Variants in TFDP2 observed in about 807,000 individuals in gnomAD.
The protein encoded by TFDP2 is transcription factor Dp-2, also known as transcription factor Dp-2 (E2F dimerization partner 2).
Under a neutral mutation model 59.3 loss-of-function variants are expected in TFDP2, and 17 were observed. That is an observed-to-expected ratio of 0.29 (90% CI 0.20 to 0.43). The LOEUF (loss-of-function observed/expected upper bound fraction) is 0.43. TFDP2 is among the 20% of genes least tolerant of loss of function. The pLI is 1.00. For synonymous variants in TFDP2, 180 were observed against 194.7 expected (o/e 0.92, Z 0.63); for missense variants, 391 against 528.8 (o/e 0.74, Z 2.56).
At chr3:142,007,102 C>A (rs1411795800) in intron 3 of TFDP2, among the ~76,000 whole-genome samples, 3 of 152,194 alleles carry the variant, frequency 2.0e-5, no homozygotes, top group Admixed American at 1.3e-4. Context: ...CTCTGCTCTG[C>A]ACTTTCTGCC....
chr3:142,128,191 C>A (rs1335891678), intron 1 of TFDP2, among the ~76,000 whole-genome samples: 1 of 152,064 alleles, frequency 6.6e-6, no homozygotes, highest in Non-Finnish European at 1.5e-5. Flanking sequence ...AAGAGCAACA[C>A]CCTGTCTCAA....
intron 3 of TFDP2, among the ~76,000 whole-genome samples, chr3:142,007,511 G>T (rs1576674716): frequency 1.3e-5 from 2 of 152,212 alleles, no homozygotes; most frequent in East Asian, 3.8e-4. Flanking sequence ...GTGGAAGACA[G>T]TTTTTCCACA....
chr3:141,997,235 A>T (rs1303285001), intron 4 of TFDP2, among the ~76,000 whole-genome samples: 4 of 152,216 alleles, frequency 2.6e-5, no homozygotes, highest in Admixed American at 2.6e-4. Flanking sequence ...CTCAATTTTT[A>T]AAATAATAGG....
intron 1 of TFDP2, among the ~76,000 whole-genome samples, chr3:142,143,668 C>T (rs963458607): frequency 6.6e-6 from 1 of 152,208 alleles, no homozygotes; most frequent in African/African-American, 2.4e-5. Context: ...CATTGCTGAT[C>T]ATCGAAGAAA....
chr3:142,069,203 C>T (rs897669540), intron 3 of TFDP2, among the ~76,000 whole-genome samples: 3 of 152,028 alleles, frequency 2.0e-5, no homozygotes, highest in South Asian at 2.1e-4. Context: ...AGTGAGACAC[C>T]GCGCGCGGTT....
chr3:141,973,683 CT>C (rs200088518), intron 8 of TFDP2, among the ~76,000 whole-genome samples: 21,604 of 132,470 alleles, frequency 0.16, 1,442 homozygotes, highest in East Asian at 0.19. Context: ...CGGCTTGATC[CT>C]TTTTTTTTTT....
At chr3:142,044,075 G>A (rs753982633) in intron 3 of TFDP2, 15 of 651,418 alleles carry the variant, frequency 2.3e-5, no homozygotes, top group Non-Finnish European at 3.4e-5. Context: ...ATCAGCTTCC[G>A]CATCTGCTGA....
At chr3:141,983,971 A>G (rs1414082857) in intron 6 of TFDP2, among the ~76,000 whole-genome samples, 1 of 152,258 alleles carries the variant, frequency 6.6e-6, no homozygotes, top group South Asian at 2.1e-4. Context: ...GTATACACCC[A>G]GATGAATCTG....
At chr3:142,006,306 T>G (rs904297028) in intron 3 of TFDP2, among the ~76,000 whole-genome samples, 1 of 152,026 alleles carries the variant, frequency 6.6e-6, no homozygotes, top group Non-Finnish European at 1.5e-5. Context: ...ACAAAATATA[T>G]CAAAGGAGAT....
At chr3:142,130,526 C>T (rs1277124124) in intron 1 of TFDP2, among the ~76,000 whole-genome samples, 2 of 151,054 alleles carry the variant, frequency 1.3e-5, no homozygotes, top group African/African-American at 4.9e-5. Flanking sequence ...TTTTAGGGTA[C>T]ATGTGCACAA....
At chr3:142,083,516 A>G (rs2060709705) in intron 3 of TFDP2, among the ~76,000 whole-genome samples, 2 of 152,180 alleles carry the variant, frequency 1.3e-5, no homozygotes, top group Non-Finnish European at 2.9e-5. Context: ...TAAAATTTAT[A>G]TAGAGCCACA....
chr3:142,022,366 G>C (rs1181815011), intron 3 of TFDP2, among the ~76,000 whole-genome samples: 1 of 152,192 alleles, frequency 6.6e-6, no homozygotes, highest in African/African-American at 2.4e-5. Context: ...CTAGTACACT[G>C]AACTTATTTC....
At chr3:142,119,985 G>T (rs1301379914) in intron 1 of TFDP2, among the ~76,000 whole-genome samples, 13 of 151,958 alleles carry the variant, frequency 8.6e-5, no homozygotes, top group Non-Finnish European at 1.5e-4. Context: ...GGCAGGCGGA[G>T]GTTGCAGTGA....
At chr3:141,973,683 C>CTT (rs200088518) in intron 8 of TFDP2, among the ~76,000 whole-genome samples, 32 of 132,588 alleles carry the variant, frequency 2.4e-4, no homozygotes, top group South Asian at 7.3e-4. Flanking sequence ...CGGCTTGATC[C>CTT]TTTTTTTTTT....
At chr3:142,095,673 A>G (rs2061137174) in intron 2 of TFDP2, among the ~76,000 whole-genome samples, 1 of 152,214 alleles carries the variant, frequency 6.6e-6, no homozygotes, top group African/African-American at 2.4e-5. Context: ...ACTATATGTT[A>G]TGGCTCTTCA....
chr3:142,012,851 T>C (rs1944828717), intron 3 of TFDP2, among the ~76,000 whole-genome samples: 1 of 152,064 alleles, frequency 6.6e-6, no homozygotes, highest in African/African-American at 2.4e-5. Flanking sequence ...TTTTAAAAGC[T>C]ACTGTTGCCA....
rs1938063468 is a variant in TFDP2, at chr3:141,966,333, T to C, written c.733-2370A>G. Among the ~76,000 whole-genome samples, 2 of 151,712 alleles carry C rather than the reference T, an allele frequency of 1.3e-5. 1 individual carries two copies. The highest frequency in any genetic ancestry group is 4.9e-5 in the African/African-American group (2 of 41,110). Reference sequence around the variant, plus strand: ...GACTACAGGCACCCGCCACCATGCCTGGCTAATTTTTGCATTTTTAGTAGA... The same window carrying C: ...GACTACAGGCACCCGCCACCATGCCCGGCTAATTTTTGCATTTTTAGTAGA... On this transcript the variant is annotated intron_variant, in intron 9 of 12. Coordinates refer to ENST00000489671, the MANE Select transcript of TFDP2 (RefSeq NM_001178139.2).
intron 8 of TFDP2, among the ~76,000 whole-genome samples, chr3:141,971,318 G>A (rs1319283519): frequency 2.2e-5 from 3 of 138,482 alleles, no homozygotes; most frequent in South Asian, 2.2e-4. Flanking sequence ...TCAGGAGTTC[G>A]AGACCAGCCT....
chr3:142,051,361 A>C (rs568313523), intron 3 of TFDP2, among the ~76,000 whole-genome samples: 192 of 152,288 alleles, frequency 1.3e-3, no homozygotes, highest in Non-Finnish European at 2.0e-3. Flanking sequence ...CAATGTGGTG[A>C]AACCTCATCT....
Sources: gnomAD v4.1 joint callset for allele counts (sites outside exome capture counted in the v4.1 genomes callset) on GRCh38, gnomAD v4.1.1 for gene constraint, MANE v1.5 for transcripts, NCBI Gene and HGNC (gene_info 2026-07-23, HGNC 2026-07-21) for gene names.